PTPN21: variants seen among roughly 807,000 people sequenced by gnomAD.
The protein encoded by PTPN21 is tyrosine-protein phosphatase non-receptor type 21.
PTPN21 carries 77 observed loss-of-function variants against 131.8 expected under a neutral mutation model. That is an observed-to-expected ratio of 0.58 (90% CI 0.49 to 0.71). The LOEUF is 0.71. Among genes scored for constraint, PTPN21 ranks in the 30% least tolerant of loss-of-function variants. The probability of loss-of-function intolerance (pLI) is 0.00; values close to 1 mark genes in which losing one functional copy is unlikely to be tolerated. For missense variants in PTPN21, 1,552 were observed against 1,527.1 expected (o/e 1.02, Z -0.27); for synonymous variants, 715 against 621.3 (o/e 1.15, Z -2.24).
intron 3 of PTPN21, among the ~76,000 whole-genome samples, chr14:88,516,325 AC>A (rs1197059928): frequency 6.6e-6 from 1 of 151,970 alleles, no homozygotes; most frequent in Non-Finnish European, 1.5e-5. Flanking sequence ...AAGATCTAGG[AC>A]ACAAAGATGA....
intron 3 of PTPN21, among the ~76,000 whole-genome samples, chr14:88,508,663 T>C (rs1332425514): frequency 6.6e-6 from 1 of 152,204 alleles, no homozygotes; most frequent in Non-Finnish European, 1.5e-5. Context: ...AATCTTTACT[T>C]TAAAAACTCT....
At chr14:88,471,416 T>C (rs540865607) in intron 15 of PTPN21, among the ~76,000 whole-genome samples, 2 of 152,272 alleles carry the variant, frequency 1.3e-5, no homozygotes, top group East Asian at 3.9e-4. Flanking sequence ...ATAGGAGTGA[T>C]ATTACCCCAG....
In PTPN21 at chr14:88,479,323, T is replaced by G. The variant is rs758180651; in HGVS notation, c.2108A>C (p.Asp703Ala). The G allele has an allele frequency of 1.2e-6, 2 of 1,613,222 alleles. No homozygotes were observed. Among genetic ancestry groups the G allele is most frequent in the Admixed American group, 1.7e-5 (1 of 59,990 alleles). Residue 703 changes from aspartate to alanine, a missense_variant, in exon 13 of 19, where the codon GAC (aspartate) becomes GCC (alanine). Asp to Ala is a moderately radical substitution (Grantham distance 126, BLOSUM62 -2). Coordinates refer to ENST00000556564, the MANE Select transcript of PTPN21 (RefSeq NM_007039.4). Reference sequence around the variant, plus strand: ...GCTGCTGTGGATTAGCATGGTGGCGTCCGACAGGGACTTCTTATGGCCGTA... The same window carrying G: ...GCTGCTGTGGATTAGCATGGTGGCGGCCGACAGGGACTTCTTATGGCCGTA... Reference protein sequence around the residue: ...LRYGHKKSLSDATMLIHSSEE... With the variant: ...LRYGHKKSLSAATMLIHSSEE...
intron 6 of PTPN21, among the ~76,000 whole-genome samples, chr14:88,501,678 T>G (rs1329665629): frequency 6.6e-6 from 1 of 152,108 alleles, no homozygotes; most frequent in Non-Finnish European, 1.5e-5. Context: ...AAGTAATTGC[T>G]TATTATCCCA....
chr14:88,532,583 AAAG>A (rs1366926289), intron 2 of PTPN21, among the ~76,000 whole-genome samples: 2 of 152,230 alleles, frequency 1.3e-5, no homozygotes, highest in African/African-American at 2.4e-5. Flanking sequence ...TGCCCTTGAC[AAAG>A]AAGAAATTTC....
intron 1 of PTPN21, chr14:88,552,357 ATGTGTAT>A (rs2078880773): frequency 6.6e-6 from 1 of 152,258 alleles, no homozygotes. Flanking sequence ...CATTCCACAA[ATGTGTAT>A]TGCGTCTCTG....
At chr14:88,493,401 A>G (rs1329996223) in intron 10 of PTPN21, among the ~76,000 whole-genome samples, 2 of 152,202 alleles carry the variant, frequency 1.3e-5, no homozygotes, top group Non-Finnish European at 2.9e-5. Flanking sequence ...AGGGCATTTT[A>G]GCAAAGGCCT....
rs2077646710 is a variant in PTPN21 at position 88,481,103 on chromosome 14, GGATGATTTCTAACCCTA to G, written c.1079-768_1079-752del. 2.6e-5 allele frequency among the ~76,000 whole-genome samples: 4 copies of G among 152,278 alleles called. No homozygotes were observed. In the South Asian group the frequency reaches 8.3e-4, roughly 32 times the overall value. ...TAGCTCACCTGCCCTCTGTTACTGA[GGATGATTTCTAACCCTA>G]GATGATTTCTAACACTCAGCAGCCA... On this transcript the variant is annotated intron_variant, in intron 12 of 18. Transcript: ENST00000556564.
intron 2 of PTPN21, among the ~76,000 whole-genome samples, chr14:88,532,562 T>A (rs2078569839): frequency 6.6e-6 from 1 of 152,240 alleles, no homozygotes; most frequent in Non-Finnish European, 1.5e-5. Flanking sequence ...AAGTCAATGT[T>A]ATAAAGTATA....
intron 2 of PTPN21, among the ~76,000 whole-genome samples, chr14:88,537,540 A>T (rs2078647743): frequency 6.6e-6 from 1 of 152,208 alleles, no homozygotes; most frequent in South Asian, 2.1e-4. Context: ...AGCATTGAAC[A>T]TGAGAACAAA....
rs1406911996 is a variant in PTPN21, at chr14:88,480,106, G to C, written c.1325C>G (p.Pro442Arg). Residue 442 changes from proline (P) to arginine (R), a missense_variant, in exon 13 of 19, where the codon CCC becomes CGC. This residue lies in a region of PTPN21 where 1,016 missense variants were observed against 883.5 expected (regional missense o/e 1.15). Coordinates refer to ENST00000556564, the MANE Select transcript of PTPN21 (RefSeq NM_007039.4). Reference sequence around the variant, plus strand: ...GTCTGGGGTGGGGCGGTAGGACGGGGGTATCACGGCGCTGTGCCGATGGGA... The same window carrying C: ...GTCTGGGGTGGGGCGGTAGGACGGGCGTATCACGGCGCTGTGCCGATGGGA... The part of the protein sequence containing the change: ...LPSHRHSAVI[P>R]PSYRPTPDYE... 1 of 1,614,186 alleles carries C rather than the reference G, an allele frequency of 6.2e-7. No individual in the cohort carries two copies. Among genetic ancestry groups the C allele is most frequent in the East Asian group, 2.2e-5 (1 of 44,870 alleles).
intron 6 of PTPN21, 42 bp from the exon 7 acceptor site, chr14:88,501,410 A>G: frequency 6.7e-7 from 1 of 1,488,016 alleles, no homozygotes; most frequent in South Asian, 1.1e-5. Context: ...AAGCAAGCTT[A>G]AAATGGTTTA....
chr14:88,529,469 A>G (rs751481399), intron 2 of PTPN21, among the ~76,000 whole-genome samples: 2 of 152,096 alleles, frequency 1.3e-5, no homozygotes, highest in Non-Finnish European at 2.9e-5. Flanking sequence ...ATTATGTTAA[A>G]TGACCAAACA....
chr14:88,547,461 G>C, intron 2 of PTPN21: 1 of 258,820 alleles, frequency 3.9e-6, no homozygotes, highest in South Asian at 3.7e-5. Flanking sequence ...CAGCCTGGGC[G>C]ACATAGCAAG....
At chr14:88,529,606 A>G (rs542593021) in intron 2 of PTPN21, among the ~76,000 whole-genome samples, 16 of 152,280 alleles carry the variant, frequency 1.1e-4, no homozygotes, top group African/African-American at 3.9e-4. Context: ...CAAGAAGCTC[A>G]AAGAACACCC....
intron 5 of PTPN21, among the ~76,000 whole-genome samples, chr14:88,504,856 C>T (rs1403376204): frequency 1.3e-5 from 2 of 152,222 alleles, no homozygotes; most frequent in African/African-American, 2.4e-5. Context: ...TTAGTTGTTG[C>T]AATGCAGTTT....
Position 88,469,890 on chromosome 14 carries a change from G to A in PTPN21, c.3000+32C>T, listed in dbSNP as rs767595166. Reference sequence around the variant, plus strand: ...TAACATTAACTGTTCTTCAGAGGCTGAGAAAATCACTTAAGAGAAATAAGT... The same window carrying A: ...TAACATTAACTGTTCTTCAGAGGCTAAGAAAATCACTTAAGAGAAATAAGT... On this transcript the variant is annotated intron_variant, in intron 16 of 18. Transcript: ENST00000556564. This position sits in a 1 kb window ranked among gnomAD's most constrained non-coding sequence, Gnocchi z 4.3. 2 of 1,613,098 alleles carry A rather than the reference G, an allele frequency of 1.2e-6. No individual in the cohort carries two copies. Among genetic ancestry groups the A allele is most frequent in the East Asian group, 2.2e-5 (1 of 44,880 alleles).
intron 10 of PTPN21, among the ~76,000 whole-genome samples, chr14:88,487,140 T>TAATA (rs1239329050): frequency 2.7e-5 from 4 of 146,488 alleles, no homozygotes; most frequent in African/African-American, 1.0e-4. Flanking sequence ...TTGTAACTAT[T>TAATA]GTTTTCAAAT....
At chr14:88,533,965 G>A (rs532816272) in intron 2 of PTPN21, among the ~76,000 whole-genome samples, 3 of 152,132 alleles carry the variant, frequency 2.0e-5, no homozygotes, top group Non-Finnish European at 2.9e-5. Flanking sequence ...GCATGTTACC[G>A]CCCCTGAAAA....
Sources: allele counts gnomAD v4.1 joint callset (sites outside exome capture counted in the v4.1 genomes callset), GRCh38; gene constraint gnomAD v4.1.1; regional missense constraint gnomAD v4.1.1; non-coding constraint Gnocchi (gnomAD v3.1); transcripts MANE v1.5; gene names NCBI Gene and HGNC (gene_info 2026-07-23, HGNC 2026-07-21).